KCTD8: variants seen among roughly 807,000 people sequenced by gnomAD.
KCTD8 encodes the protein BTB/POZ domain-containing protein KCTD8.
Under a neutral mutation model 31.5 loss-of-function variants are expected in KCTD8, and 27 were observed. The observed-to-expected ratio is 0.86, with a 90% CI of 0.63 to 1.18. The LOEUF is 1.18. Ranked by LOEUF, KCTD8 falls within the 50% of genes most tolerant of loss-of-function variation. The probability of loss-of-function intolerance (pLI) is 0.00; values close to 1 mark genes in which losing one functional copy is unlikely to be tolerated. For missense variants in KCTD8, 658 were observed against 647.7 expected (o/e 1.02, Z -0.17); for synonymous variants, 290 against 280.0 (o/e 1.04, Z -0.36).
chr4:44,442,374 G>A (rs981035766), intron 1 of KCTD8, among the ~76,000 whole-genome samples: 1 of 152,078 alleles, frequency 6.6e-6, no homozygotes, highest in African/African-American at 2.4e-5. Flanking sequence ...ATCACCTGAG[G>A]TCAGGAGTTC....
intron 1 of KCTD8, among the ~76,000 whole-genome samples, chr4:44,209,827 A>G (rs186323562): frequency 6.6e-6 from 1 of 152,190 alleles, no homozygotes; most frequent in Non-Finnish European, 1.5e-5. Context: ...TGAAAAGCAA[A>G]AAACAAAAAA....
intron 1 of KCTD8, among the ~76,000 whole-genome samples, chr4:44,230,953 G>A (rs1455447365): frequency 6.6e-6 from 1 of 152,074 alleles, no homozygotes; most frequent in Non-Finnish European, 1.5e-5. Context: ...CATCTGTGCT[G>A]GACAGTTCCA....
chr4:44,316,794 C>A (rs992215920), intron 1 of KCTD8, among the ~76,000 whole-genome samples: 2 of 9,854 alleles, frequency 2.0e-4, no homozygotes, highest in South Asian at 2.1e-3. Context: ...ACTAAAAATA[C>A]GAAAAAAAAA....
At chr4:44,192,757 G>T (rs1200658271) in intron 1 of KCTD8, among the ~76,000 whole-genome samples, 1 of 152,120 alleles carries the variant, frequency 6.6e-6, no homozygotes, top group African/African-American at 2.4e-5. Context: ...CAGTGAAATG[G>T]GAGAGGTACA....
At chr4:44,235,568 T>G (rs112320232) in intron 1 of KCTD8, among the ~76,000 whole-genome samples, 13 of 44,990 alleles carry the variant, frequency 2.9e-4, no homozygotes, top group African/African-American at 1.3e-3. Flanking sequence ...TATATATATA[T>G]ATATATATTT....
chr4:44,322,201 T>C (rs1718312697), intron 1 of KCTD8, among the ~76,000 whole-genome samples: 1 of 152,044 alleles, frequency 6.6e-6, no homozygotes, highest in South Asian at 2.1e-4. Flanking sequence ...GGCTATACCA[T>C]TTTACATTCC....
chr4:44,447,471 G>A (rs2109489348), intron 1 of KCTD8, 92 bp downstream of exon 1: 1 of 1,429,432 alleles, frequency 7.0e-7, no homozygotes, highest in Non-Finnish European at 9.1e-7. Flanking sequence ...GCCTGCCCCG[G>A]ACACCCCCGC....
At chr4:44,376,488 G>A (rs1719919790) in intron 1 of KCTD8, among the ~76,000 whole-genome samples, 1 of 152,134 alleles carries the variant, frequency 6.6e-6, no homozygotes, top group Non-Finnish European at 1.5e-5. Context: ...CATTTATAAA[G>A]TTTATTTTCT....
intron 1 of KCTD8, among the ~76,000 whole-genome samples, chr4:44,215,475 C>G (rs1475331948): frequency 6.6e-6 from 1 of 152,076 alleles, no homozygotes; most frequent in Non-Finnish European, 1.5e-5. Context: ...TCTTTTAAAT[C>G]ATTTATAACT....
intron 1 of KCTD8, among the ~76,000 whole-genome samples, chr4:44,239,572 C>T (rs1017644803): frequency 2.0e-5 from 3 of 152,004 alleles, no homozygotes; most frequent in Admixed American, 6.6e-5. Flanking sequence ...TTATTAATTG[C>T]GTATATGGAA....
intron 1 of KCTD8, among the ~76,000 whole-genome samples, chr4:44,196,938 C>T (rs943557764): frequency 2.0e-5 from 3 of 152,204 alleles, no homozygotes; most frequent in Non-Finnish European, 4.4e-5. Context: ...AGCAGTCAGA[C>T]TGCCTCACTC....
At chr4:44,189,983 A>G (rs1280454732) in intron 1 of KCTD8, among the ~76,000 whole-genome samples, 1 of 152,102 alleles carries the variant, frequency 6.6e-6, no homozygotes, top group African/African-American at 2.4e-5. Flanking sequence ...TCCTCTTGAT[A>G]CTTTGATAAT....
At chr4:44,290,864 G>T (rs540302763) in intron 1 of KCTD8, among the ~76,000 whole-genome samples, 1 of 152,008 alleles carries the variant, frequency 6.6e-6, no homozygotes, top group African/African-American at 2.4e-5. Context: ...AAGTTAGAAA[G>T]ATCTCAAATT....
chr4:44,282,785 G>A (rs1716936244), intron 1 of KCTD8, among the ~76,000 whole-genome samples: 2 of 152,076 alleles, frequency 1.3e-5, no homozygotes, highest in Admixed American at 1.3e-4. Context: ...TTTAGCCAAA[G>A]TCTAATCCAC....
At chr4:44,343,315 G>A (rs1345566334) in intron 1 of KCTD8, among the ~76,000 whole-genome samples, 1 of 152,182 alleles carries the variant, frequency 6.6e-6, no homozygotes, top group Non-Finnish European at 1.5e-5. Context: ...AGAAAGATGA[G>A]GGAAAGGTCA....
intron 1 of KCTD8, among the ~76,000 whole-genome samples, chr4:44,285,354 C>G (rs912694961): frequency 2.0e-5 from 3 of 152,038 alleles, no homozygotes; most frequent in Non-Finnish European, 4.4e-5. Flanking sequence ...CCATCATTCT[C>G]AGCAAACTAT....
At chr4:44,212,302 T>C (rs186608597) in intron 1 of KCTD8, among the ~76,000 whole-genome samples, 5 of 152,340 alleles carry the variant, frequency 3.3e-5, no homozygotes, top group East Asian at 1.9e-4. Flanking sequence ...GACTTTACCA[T>C]TGGAAGAAAT....
At chr4:44,312,400 G>A (rs914806629) in intron 1 of KCTD8, among the ~76,000 whole-genome samples, 4 of 152,148 alleles carry the variant, frequency 2.6e-5, no homozygotes, top group Non-Finnish European at 5.9e-5. Context: ...TCTTTTCAGG[G>A]TAAAATGAAG....
At chr4:44,345,258 T>G (rs745863856) in intron 1 of KCTD8, among the ~76,000 whole-genome samples, 2 of 152,146 alleles carry the variant, frequency 1.3e-5, no homozygotes, top group Non-Finnish European at 2.9e-5. Flanking sequence ...CAAGTTTTAA[T>G]ATAAACTGTT....
Sources: gnomAD v4.1 joint callset for allele counts (sites outside exome capture counted in the v4.1 genomes callset) on GRCh38, gnomAD v4.1.1 for gene constraint, MANE v1.5 for transcripts, NCBI Gene and HGNC (gene_info 2026-07-23, HGNC 2026-07-21) for gene names.